The following RALYL variants were observed in gnomAD, a reference collection of about 807,000 sequenced individuals.
RALYL encodes the protein RNA-binding Raly-like protein.
RALYL carries 29 observed loss-of-function variants against 35.1 expected under a neutral mutation model. The observed-to-expected ratio is 0.83, with a 90% confidence interval of 0.61 to 1.13. The LOEUF (loss-of-function observed/expected upper bound fraction) is 1.13, where lower values mean the gene tolerates loss of function less well. RALYL is among the 50% of genes most tolerant of loss of function. The pLI, the probability that RALYL is intolerant of heterozygous loss-of-function variation, is 0.00. For missense variants in RALYL, 359 were observed against 360.4 expected (o/e 1.00, Z 0.03); for synonymous variants, 120 against 127.6 (o/e 0.94, Z 0.40).
intron 3 of RALYL, among the ~76,000 whole-genome samples, chr8:84,793,610 C>A (rs1173479650): frequency 6.6e-6 from 1 of 152,082 alleles, no homozygotes; most frequent in Non-Finnish European, 1.5e-5. Flanking sequence ...GGGAGGGATT[C>A]TAATGTGAAG....
At chr8:84,685,327 A>T (rs948049702) in intron 2 of RALYL, among the ~76,000 whole-genome samples, 4 of 152,018 alleles carry the variant, frequency 2.6e-5, no homozygotes, top group Non-Finnish European at 4.4e-5. Flanking sequence ...TACCCATTGT[A>T]ACCCATCAAC....
chr8:84,295,082 T>C (rs1839505280), intron 1 of RALYL, among the ~76,000 whole-genome samples: 1 of 152,116 alleles, frequency 6.6e-6, no homozygotes, highest in Non-Finnish European at 1.5e-5. Context: ...CCTGAAATTG[T>C]TTCTTATCTG....
At chr8:84,920,629 G>A (rs1301158253) in intron 8 of RALYL, among the ~76,000 whole-genome samples, 2 of 151,874 alleles carry the variant, frequency 1.3e-5, no homozygotes, top group Admixed American at 6.6e-5. Context: ...CAAGAGCTCA[G>A]GTTGAAAAGT....
intron 2 of RALYL, among the ~76,000 whole-genome samples, chr8:84,669,602 G>A (rs1419642760): frequency 1.3e-5 from 2 of 150,374 alleles, no homozygotes; most frequent in Non-Finnish European, 2.9e-5. Flanking sequence ...TTGGTATTCT[G>A]TTCCTGCATT....
chr8:84,307,264 C>T (rs915763837), intron 1 of RALYL, among the ~76,000 whole-genome samples: 11 of 152,130 alleles, frequency 7.2e-5, no homozygotes, highest in Admixed American at 1.3e-4. Context: ...TATGGGCACA[C>T]TTCACCCTGG....
At chr8:84,668,608 G>C (rs938768391) in intron 2 of RALYL, among the ~76,000 whole-genome samples, 1 of 152,048 alleles carries the variant, frequency 6.6e-6, no homozygotes, top group African/African-American at 2.4e-5. Flanking sequence ...ATCTAAACTT[G>C]AATAATCACA....
chr8:84,534,638 G>A (rs2059481005), intron 2 of RALYL, among the ~76,000 whole-genome samples: 1 of 152,114 alleles, frequency 6.6e-6, no homozygotes, highest in Admixed American at 6.6e-5. Context: ...CTTGGCTAAA[G>A]GGGTCCCTCA....
intron 2 of RALYL, among the ~76,000 whole-genome samples, chr8:84,632,362 G>C (rs1231381594): frequency 6.6e-6 from 1 of 151,872 alleles, no homozygotes; most frequent in Non-Finnish European, 1.5e-5. Flanking sequence ...TTTAAAATGG[G>C]AAGAAATTTT....
intron 2 of RALYL, among the ~76,000 whole-genome samples, chr8:84,610,520 G>A (rs1818076001): frequency 6.6e-6 from 1 of 152,086 alleles, no homozygotes; most frequent in Non-Finnish European, 1.5e-5. Flanking sequence ...AGCTGAAGTA[G>A]TGTTTGTCAG....
At chr8:84,565,558 T>C (rs1434889046) in intron 2 of RALYL, among the ~76,000 whole-genome samples, 1 of 151,590 alleles carries the variant, frequency 6.6e-6, no homozygotes, top group Admixed American at 6.6e-5. Context: ...AACGATCTGC[T>C]TAATAATAGT....
At chr8:84,516,261 T>TA (rs2058054696) in intron 1 of RALYL, among the ~76,000 whole-genome samples, 1 of 152,058 alleles carries the variant, frequency 6.6e-6, no homozygotes, top group Non-Finnish European at 1.5e-5. Flanking sequence ...ACATAGAGTT[T>TA]ATAATATATT....
intron 1 of RALYL, among the ~76,000 whole-genome samples, chr8:84,219,198 C>T (rs1012056546): frequency 3.9e-5 from 6 of 151,992 alleles, no homozygotes; most frequent in Non-Finnish European, 8.8e-5. Context: ...AGGAAGAGAC[C>T]TGGTGGAGGT....
chr8:84,223,213 C>A (rs1427937325), intron 1 of RALYL, among the ~76,000 whole-genome samples: 8 of 49,038 alleles, frequency 1.6e-4, no homozygotes, highest in Non-Finnish European at 3.4e-4. Flanking sequence ...CCATTCCTCC[C>A]TTCCCTTCCC....
intron 1 of RALYL, among the ~76,000 whole-genome samples, chr8:84,329,952 T>C (rs949339880): frequency 1.3e-5 from 2 of 152,032 alleles, no homozygotes; most frequent in Non-Finnish European, 2.9e-5. Flanking sequence ...TTAAAAGCAC[T>C]ACCTTATAGT....
intron 2 of RALYL, among the ~76,000 whole-genome samples, chr8:84,700,478 A>T (rs1376025130): frequency 1.3e-5 from 2 of 152,082 alleles, no homozygotes; most frequent in African/African-American, 4.8e-5. Context: ...AAAACTAAGG[A>T]GTACAGAATT....
chr8:84,424,102 G>T (rs1320780081), intron 1 of RALYL, among the ~76,000 whole-genome samples: 1 of 151,856 alleles, frequency 6.6e-6, no homozygotes, highest in East Asian at 1.9e-4. Context: ...GGCCTGCCTT[G>T]CTAGATTGGG....
At chr8:84,326,788 C>T (rs893899169) in intron 1 of RALYL, among the ~76,000 whole-genome samples, 1 of 152,080 alleles carries the variant, frequency 6.6e-6, no homozygotes, top group African/African-American at 2.4e-5. Context: ...ATATAAAAAT[C>T]CATGTCTTTT....
intron 3 of RALYL, among the ~76,000 whole-genome samples, chr8:84,775,268 T>C (rs1816570315): frequency 1.3e-5 from 2 of 152,360 alleles, no homozygotes; most frequent in South Asian, 4.1e-4. Flanking sequence ...TGGTTGACTA[T>C]TAACTGCATG....
At chr8:84,849,555 G>GT (rs1396180016) in intron 4 of RALYL, among the ~76,000 whole-genome samples, 4 of 147,252 alleles carry the variant, frequency 2.7e-5, no homozygotes, top group African/African-American at 5.1e-5. Context: ...AAAGTTTTTT[G>GT]TTTTTGTTTT....
Sources: gnomAD v4.1 joint callset for allele counts (sites outside exome capture counted in the v4.1 genomes callset) on GRCh38, gnomAD v4.1.1 for gene constraint, MANE v1.5 for transcripts, NCBI Gene and HGNC (gene_info 2026-07-23, HGNC 2026-07-21) for gene names.